The following ADAM12 variants were observed in gnomAD, a reference collection of about 807,000 sequenced individuals.
ADAM12 encodes the protein ADAM metallopeptidase domain 12, also known as disintegrin and metalloproteinase domain-containing protein 12.
Under a neutral mutation model 106.4 loss-of-function variants are expected in ADAM12, and 70 were observed. The observed-to-expected ratio is 0.66, with a 90% confidence interval of 0.54 to 0.80. The LOEUF (loss-of-function observed/expected upper bound fraction) is 0.80. Among genes scored for constraint, ADAM12 ranks in the 30% least tolerant of loss-of-function variants. The pLI, the probability that ADAM12 is intolerant of heterozygous loss-of-function variation, is 0.00. For synonymous variants in ADAM12, 420 were observed against 433.5 expected (o/e 0.97, Z 0.39); for missense variants, 1,010 against 1,171.9 (o/e 0.86, Z 2.02).
chr10:126,318,982 C>T (rs1853994978), intron 2 of ADAM12, among the ~76,000 whole-genome samples: 1 of 152,148 alleles, frequency 6.6e-6, no homozygotes, highest in Non-Finnish European at 1.5e-5. Flanking sequence ...ATGAGAACAG[C>T]ATGGGAAAGA....
chr10:126,352,920 C>G (rs1373357014), intron 1 of ADAM12, among the ~76,000 whole-genome samples: 1 of 152,150 alleles, frequency 6.6e-6, no homozygotes, highest in Non-Finnish European at 1.5e-5. Context: ...TTTGGTAGAC[C>G]AGCAGTCTCA....
chr10:126,251,918 GGGATGGATAGGATGGATGGA>G (rs1958781777), intron 3 of ADAM12, among the ~76,000 whole-genome samples: 1 of 37,284 alleles, frequency 2.7e-5, no homozygotes, highest in Admixed American at 2.7e-4. Context: ...ATGGATGGAT[GGGATGGATAGGATGGATGGA>G]TGGGATGATG....
intron 3 of ADAM12, among the ~76,000 whole-genome samples, chr10:126,242,817 C>T (rs912316290): frequency 2.6e-5 from 4 of 152,128 alleles, no homozygotes; most frequent in African/African-American, 9.7e-5. Context: ...TCTGGGTTCA[C>T]ATGGTGAGAC....
chr10:126,265,785 A>T (rs1003690757), intron 3 of ADAM12, among the ~76,000 whole-genome samples: 1 of 152,200 alleles, frequency 6.6e-6, no homozygotes, highest in African/African-American at 2.4e-5. Flanking sequence ...ATTAAAAGGA[A>T]GGATAGGGAA....
At chr10:126,261,639 C>G (rs961539493) in intron 3 of ADAM12, among the ~76,000 whole-genome samples, 1 of 152,090 alleles carries the variant, frequency 6.6e-6, no homozygotes, top group Non-Finnish European at 1.5e-5. Flanking sequence ...CTATCTGGAA[C>G]ACAGTTTGTT....
chr10:126,147,200 G>A (rs1344804873), intron 4 of ADAM12, among the ~76,000 whole-genome samples: 3 of 152,132 alleles, frequency 2.0e-5, no homozygotes, highest in Non-Finnish European at 4.4e-5. Flanking sequence ...CATATACCAC[G>A]AATGAAACAT....
At chr10:126,061,635 G>A (rs1011036444) in intron 14 of ADAM12, among the ~76,000 whole-genome samples, 2 of 152,184 alleles carry the variant, frequency 1.3e-5, no homozygotes, top group Non-Finnish European at 2.9e-5. Flanking sequence ...AGAAAGGGAT[G>A]TGACTACAGA....
intron 3 of ADAM12, among the ~76,000 whole-genome samples, chr10:126,245,377 C>T (rs960800371): frequency 2.0e-5 from 3 of 152,182 alleles, no homozygotes; most frequent in Non-Finnish European, 4.4e-5. Flanking sequence ...GGAGAGAGTC[C>T]TGCCAGCTTG....
At chr10:126,184,156 C>A (rs1214381623) in intron 3 of ADAM12, among the ~76,000 whole-genome samples, 3 of 152,208 alleles carry the variant, frequency 2.0e-5, no homozygotes, top group Non-Finnish European at 2.9e-5. Flanking sequence ...GCACTCAGCA[C>A]CTTCTTCTCC....
intron 3 of ADAM12, among the ~76,000 whole-genome samples, chr10:126,274,562 A>G (rs1959203956): frequency 6.6e-6 from 1 of 152,218 alleles, no homozygotes; most frequent in Admixed American, 6.5e-5. Flanking sequence ...AACTGCTGAA[A>G]TCTTCATAAT....
intron 3 of ADAM12, among the ~76,000 whole-genome samples, chr10:126,191,024 CAG>C (rs1957491683): frequency 1.9e-5 from 2 of 103,268 alleles, no homozygotes; most frequent in East Asian, 5.6e-4. Context: ...TTTTTTCAGA[CAG>C]AGTCTTGCTC....
chr10:126,020,367 A>G (rs1953740847), intron 21 of ADAM12, among the ~76,000 whole-genome samples: 1 of 152,126 alleles, frequency 6.6e-6, no homozygotes, highest in Non-Finnish European at 1.5e-5. Context: ...ATACTTTCTC[A>G]TAAGCTCAGA....
intron 10 of ADAM12, 66 bp from the exon 11 acceptor site, chr10:126,094,199 C>T: frequency 6.7e-7 from 1 of 1,495,772 alleles, no homozygotes; most frequent in Non-Finnish European, 9.1e-7. Flanking sequence ...CCCAGGTCTC[C>T]CTCCCCACAG....
At chr10:126,387,997 G>A (rs1330684827) in intron 1 of ADAM12, 61 bp downstream of exon 1, 4 of 1,189,284 alleles carry the variant, frequency 3.4e-6, no homozygotes, top group Non-Finnish European at 2.1e-6. Context: ...GGCGCGCCCA[G>A]GCGCAGCGTG....
chr10:126,119,795 G>A (rs1484447554), intron 5 of ADAM12, among the ~76,000 whole-genome samples: 1 of 152,214 alleles, frequency 6.6e-6, no homozygotes, highest in Non-Finnish European at 1.5e-5. Context: ...GCCTGGAAAT[G>A]AGTAATGCTA....
At chr10:126,296,225 T>A (rs1280138941) in intron 2 of ADAM12, among the ~76,000 whole-genome samples, 1 of 152,166 alleles carries the variant, frequency 6.6e-6, no homozygotes, top group Non-Finnish European at 1.5e-5. Context: ...CACTGCCACT[T>A]TGAATTTCTG....
intron 5 of ADAM12, among the ~76,000 whole-genome samples, chr10:126,129,690 T>C (rs1216577016): frequency 6.6e-6 from 1 of 152,230 alleles, no homozygotes; most frequent in Non-Finnish European, 1.5e-5. Context: ...AGACATACGA[T>C]ACGGGACAAA....
chr10:126,339,578 A>G (rs73369018), intron 1 of ADAM12, among the ~76,000 whole-genome samples: 6,170 of 152,240 alleles, frequency 0.041, 426 homozygotes, highest in African/African-American at 0.14. Flanking sequence ...CCCTCTTTCA[A>G]TCTTAAAGGA....
At chr10:126,238,393 C>T (rs1024231403) in intron 3 of ADAM12, among the ~76,000 whole-genome samples, 13 of 152,240 alleles carry the variant, frequency 8.5e-5, no homozygotes, top group Non-Finnish European at 1.6e-4. Flanking sequence ...GCAGGAGAAT[C>T]GCTTGAACCC....
Sources: gnomAD v4.1 joint callset for allele counts (sites outside exome capture counted in the v4.1 genomes callset) on GRCh38, gnomAD v4.1.1 for gene constraint, MANE v1.5 for transcripts, NCBI Gene and HGNC (gene_info 2026-07-23, HGNC 2026-07-21) for gene names.